NEK11: variants seen among roughly 807,000 people sequenced by gnomAD.
The protein encoded by NEK11 is NIMA related kinase 11.
A neutral mutation model predicts 80.7 loss-of-function variants in NEK11; 72 were observed. That is an observed-to-expected ratio of 0.89 (90% CI 0.74 to 1.08). The LOEUF (loss-of-function observed/expected upper bound fraction) is 1.08, where lower values mean the gene tolerates loss of function less well. Among genes scored for constraint, NEK11 ranks in the 50% least tolerant of loss-of-function variants. The pLI, the probability that NEK11 is intolerant of heterozygous loss-of-function variation, is 0.00. For synonymous variants in NEK11, 251 were observed against 260.7 expected, an observed-to-expected ratio of 0.96 and a Z score of 0.36; for missense variants, 764 against 763.6, an observed-to-expected ratio of 1.00 and a Z score of -0.01.
intron 4 of NEK11, among the ~76,000 whole-genome samples, chr3:131,089,036 C>T (rs1297504255): frequency 6.6e-6 from 1 of 152,188 alleles, no homozygotes; most frequent in African/African-American, 2.4e-5. Context: ...TAAAATGACT[C>T]TTATTCAGCC....
intron 14 of NEK11, among the ~76,000 whole-genome samples, chr3:131,181,472 C>A (rs148426683): frequency 6.0e-5 from 9 of 150,042 alleles, no homozygotes; most frequent in African/African-American, 2.0e-4. Context: ...GTTGGCTGGG[C>A]GCAATGGCTC....
chr3:131,223,471 G>A (rs2095093255), intron 14 of NEK11, among the ~76,000 whole-genome samples: 1 of 152,188 alleles, frequency 6.6e-6, no homozygotes, highest in South Asian at 2.1e-4. Context: ...AATGAGCTAC[G>A]TTTTGGGAAG....
At chr3:131,302,604 C>G (rs1432848238) in intron 17 of NEK11, among the ~76,000 whole-genome samples, 1 of 152,130 alleles carries the variant, frequency 6.6e-6, no homozygotes, top group East Asian at 1.9e-4. Context: ...AATTGCATTG[C>G]TTACCCAAAA....
chr3:131,336,228 G>A (rs1390716487), intron 17 of NEK11, among the ~76,000 whole-genome samples: 1 of 152,138 alleles, frequency 6.6e-6, no homozygotes, highest in East Asian at 1.9e-4. Context: ...ATACTACAAG[G>A]TTACAGTAAC....
At chr3:131,161,689 AG>A in intron 10 of NEK11, among the ~76,000 whole-genome samples, 1 of 152,256 alleles carries the variant, frequency 6.6e-6, no homozygotes, top group South Asian at 2.1e-4. Context: ...CAGAGGGTGG[AG>A]GGTGGGAGGA....
chr3:131,236,304 A>G (rs1168122985), intron 15 of NEK11, among the ~76,000 whole-genome samples: 2 of 152,172 alleles, frequency 1.3e-5, no homozygotes, highest in Admixed American at 6.5e-5. Flanking sequence ...TACAGGCCTC[A>G]CCAGTTCCTG....
chr3:131,088,995 A>G (rs1289769703), intron 4 of NEK11, among the ~76,000 whole-genome samples: 1 of 152,232 alleles, frequency 6.6e-6, no homozygotes, highest in Non-Finnish European at 1.5e-5. Context: ...TCTCCTAAGT[A>G]ATGAAACAGA....
rs575854473 is a variant in NEK11, at chr3:131,263,048, T to A, written c.1622-10430T>A. ...ATGGCATATATGTGCCACATTTTTTTAAATTATACTTTAAGTTCTAGGGTA... is the reference window on the plus strand; with the variant it reads ...ATGGCATATATGTGCCACATTTTTTAAAATTATACTTTAAGTTCTAGGGTA... On this transcript the variant is annotated intron_variant, in intron 16 of 17. Transcript: ENST00000383366. 1.2e-4 allele frequency among the ~76,000 whole-genome samples: 18 copies of A among 152,314 alleles called. No homozygotes were observed. The East Asian group carries it at 1.4e-3, about 11-fold the overall frequency.
intron 4 of NEK11, among the ~76,000 whole-genome samples, chr3:131,091,216 C>T (rs368950431): frequency 2.0e-5 from 3 of 152,222 alleles, no homozygotes; most frequent in African/African-American, 7.2e-5. Flanking sequence ...GTTGATTTCA[C>T]ATAGCCCTTG....
At chr3:131,174,691 T>C (rs2092905339) in intron 14 of NEK11, 2 of 1,456,030 alleles carry the variant, frequency 1.4e-6, no homozygotes, top group Non-Finnish European at 1.9e-6. Flanking sequence ...TATGTAATGC[T>C]AATGATATCT....
chr3:131,239,857 A>G (rs920042226), intron 15 of NEK11, among the ~76,000 whole-genome samples: 10 of 151,562 alleles, frequency 6.6e-5, no homozygotes, highest in African/African-American at 2.2e-4. Context: ...CACAGTCACA[A>G]TTCATTTGTT....
chr3:131,121,621 C>T (rs967514524), intron 5 of NEK11, among the ~76,000 whole-genome samples: 14 of 152,188 alleles, frequency 9.2e-5, no homozygotes, highest in East Asian at 3.9e-4. Flanking sequence ...CCTTGAACTC[C>T]GGTGGGCTCC....
chr3:131,275,830 A>G (rs1375085480), intron 17 of NEK11, among the ~76,000 whole-genome samples: 2 of 152,256 alleles, frequency 1.3e-5, no homozygotes, highest in Non-Finnish European at 2.9e-5. Flanking sequence ...AGTTAATGAC[A>G]TTTGTCTCCA....
At chr3:131,327,099 G>A (rs983315659) in intron 17 of NEK11, 3 of 152,264 alleles carry the variant, frequency 2.0e-5, no homozygotes, top group African/African-American at 7.2e-5. Context: ...AGAACTCTGA[G>A]AAATAAATTC....
intron 14 of NEK11, among the ~76,000 whole-genome samples, chr3:131,190,316 G>A (rs1270181868): frequency 2.6e-5 from 4 of 152,136 alleles, no homozygotes; most frequent in African/African-American, 7.2e-5. Flanking sequence ...AACTGGGGGC[G>A]ATGGAAAATA....
rs1485946417 is a variant in NEK11, at chr3:131,055,172, CG to C, written c.171-25249del. ...GGTCCTGCAGTAAAAAATAGAGACG[CG>C]GTTTATATCAGCCAAGTGCTTAATG... On this transcript the variant is annotated intron_variant, in intron 3 of 17. Transcript: ENST00000383366. 3.9e-5 allele frequency among the ~76,000 whole-genome samples: 6 copies of C among 152,114 alleles called. No individual in the cohort carries two copies. The East Asian group carries it at 1.2e-3, about 29-fold the overall frequency.
At chr3:131,301,211 T>G (rs2096657514) in intron 17 of NEK11, among the ~76,000 whole-genome samples, 1 of 152,180 alleles carries the variant, frequency 6.6e-6, no homozygotes, top group South Asian at 2.1e-4. Flanking sequence ...ATGCTACTGA[T>G]TTTTGTACAT....
intron 14 of NEK11, among the ~76,000 whole-genome samples, chr3:131,180,955 C>T (rs985835672): frequency 3.9e-5 from 6 of 151,934 alleles, no homozygotes; most frequent in Admixed American, 2.6e-4. Flanking sequence ...TATTTACAGT[C>T]TTTCTTAGCT....
At chr3:131,270,498 A>G (rs1403315974) in intron 16 of NEK11, among the ~76,000 whole-genome samples, 1 of 152,232 alleles carries the variant, frequency 6.6e-6, no homozygotes, top group African/African-American at 2.4e-5. Context: ...TCAGTCACCT[A>G]TTGGATGACA....
Sources: gnomAD v4.1 joint callset for allele counts (sites outside exome capture counted in the v4.1 genomes callset) on GRCh38, gnomAD v4.1.1 for gene constraint, MANE v1.5 for transcripts, NCBI Gene and HGNC (gene_info 2026-07-23, HGNC 2026-07-21) for gene names.